Variants in GRXCR1 observed in about 807,000 individuals in gnomAD.
The protein encoded by GRXCR1 is glutaredoxin and cysteine rich domain containing 1.
A neutral mutation model predicts 27.3 loss-of-function variants in GRXCR1; 27 were observed. The observed-to-expected ratio is 0.99, with a 90% confidence interval of 0.73 to 1.37. GRXCR1 has a LOEUF of 1.37. Ranked by LOEUF, GRXCR1 falls within the 40% of genes most tolerant of loss-of-function variation. GRXCR1 has a pLI of 0.00. For synonymous variants in GRXCR1, 122 were observed against 131.1 expected, an observed-to-expected ratio of 0.93 and a Z score of 0.47; for missense variants, 379 against 354.4, an observed-to-expected ratio of 1.07 and a Z score of -0.56.
intron 2 of GRXCR1, among the ~76,000 whole-genome samples, chr4:42,986,934 T>C (rs1359247291): frequency 1.3e-5 from 2 of 151,414 alleles, no homozygotes; most frequent in East Asian, 3.9e-4. Context: ...CTGTGCGATG[T>C]TCTAGAGGGT....
chr4:42,896,368 C>T (rs115776695), intron 1 of GRXCR1, among the ~76,000 whole-genome samples: 3,038 of 152,116 alleles, frequency 0.02, 48 homozygotes, highest in Non-Finnish European at 0.033. Context: ...CTTATATAAT[C>T]CTGGGTATTT....
At chr4:42,949,961 G>A (rs1747843801) in intron 1 of GRXCR1, among the ~76,000 whole-genome samples, 1 of 152,178 alleles carries the variant, frequency 6.6e-6, no homozygotes, top group African/African-American at 2.4e-5. Context: ...GAATCAGGCT[G>A]AGACGAAGTA....
intron 2 of GRXCR1, among the ~76,000 whole-genome samples, chr4:42,985,836 C>T (rs1711698756): frequency 6.6e-6 from 1 of 151,930 alleles, no homozygotes; most frequent in African/African-American, 2.4e-5. Context: ...TTTTGCTATT[C>T]GTTGTCTAAT....
chr4:42,894,353 C>T (rs555894963), intron 1 of GRXCR1, among the ~76,000 whole-genome samples: 1 of 151,476 alleles, frequency 6.6e-6, no homozygotes, highest in Non-Finnish European at 1.5e-5. Flanking sequence ...GGGCTTTTGA[C>T]AATGATCTAA....
chr4:43,020,003 C>T (rs1205516144), intron 2 of GRXCR1, among the ~76,000 whole-genome samples: 1 of 152,034 alleles, frequency 6.6e-6, no homozygotes, highest in East Asian at 1.9e-4. Flanking sequence ...GGAATTTGCT[C>T]CAAGGATTCC....
intron 2 of GRXCR1, among the ~76,000 whole-genome samples, chr4:43,004,311 C>T (rs577314771): frequency 7.9e-5 from 12 of 152,218 alleles, no homozygotes; most frequent in Non-Finnish European, 1.6e-4. Flanking sequence ...AGGCAGAAGT[C>T]TGCTGGAGGG....
chr4:43,026,237 C>G (rs1713254888), intron 3 of GRXCR1, among the ~76,000 whole-genome samples: 1 of 152,158 alleles, frequency 6.6e-6, no homozygotes, highest in Admixed American at 6.5e-5. Context: ...CAGAGCAACA[C>G]TAATATAAGA....
intron 3 of GRXCR1, among the ~76,000 whole-genome samples, chr4:43,021,086 A>G (rs1290497853): frequency 1.3e-5 from 2 of 152,154 alleles, no homozygotes; most frequent in African/African-American, 4.8e-5. Context: ...TCCAGGAGAA[A>G]TAGGTCATAT....
At chr4:43,001,310 A>T (rs143992683) in intron 2 of GRXCR1, among the ~76,000 whole-genome samples, 2 of 152,058 alleles carry the variant, frequency 1.3e-5, no homozygotes, top group East Asian at 3.9e-4. Context: ...TTTTAAATTC[A>T]CCTTGGGCAA....
chr4:42,904,796 T>C (rs1746548698), intron 1 of GRXCR1, among the ~76,000 whole-genome samples: 1 of 152,126 alleles, frequency 6.6e-6, no homozygotes, highest in African/African-American at 2.4e-5. Context: ...AAAGCATGAT[T>C]TCAGTCCTCA....
intron 1 of GRXCR1, among the ~76,000 whole-genome samples, chr4:42,915,407 A>G (rs1007268834): frequency 6.6e-6 from 1 of 152,204 alleles, no homozygotes; most frequent in African/African-American, 2.4e-5. Flanking sequence ...CAGATTTGGA[A>G]TCAATTAGGG....
At chr4:43,000,285 C>T (rs943279388) in intron 2 of GRXCR1, among the ~76,000 whole-genome samples, 3 of 151,964 alleles carry the variant, frequency 2.0e-5, no homozygotes, top group African/African-American at 7.3e-5. Context: ...TGAGACCATC[C>T]TGGCCAACAT....
At chr4:42,971,601 A>C (rs185867970) in intron 2 of GRXCR1, among the ~76,000 whole-genome samples, 2 of 152,152 alleles carry the variant, frequency 1.3e-5, no homozygotes, top group African/African-American at 2.4e-5. Context: ...CGTTCAAAAA[A>C]CCAGATCTCA....
chr4:42,992,201 T>C (rs1577935758), intron 2 of GRXCR1, among the ~76,000 whole-genome samples: 3 of 152,216 alleles, frequency 2.0e-5, no homozygotes, highest in Non-Finnish European at 4.4e-5. Context: ...CTTGTGGCTG[T>C]TTCTTAAGAA....
chr4:42,990,170 GTTCTTTTTTTTTTTTTTTTT>G (rs1711918245), intron 2 of GRXCR1, among the ~76,000 whole-genome samples: 1 of 63,450 alleles, frequency 1.6e-5, no homozygotes. Context: ...TGAATTATTA[GTTCTTTTTTTTTTTTTTTTT>G]TTTTTTTTTT....
At chr4:42,989,080 G>A (rs1711872491) in intron 2 of GRXCR1, among the ~76,000 whole-genome samples, 1 of 152,172 alleles carries the variant, frequency 6.6e-6, no homozygotes, top group Non-Finnish European at 1.5e-5. Flanking sequence ...GACTGTGGTG[G>A]AAGAAGATAT....
At chr4:42,900,285 C>T (rs1370921239) in intron 1 of GRXCR1, among the ~76,000 whole-genome samples, 5 of 152,106 alleles carry the variant, frequency 3.3e-5, no homozygotes, top group East Asian at 3.9e-4. Context: ...ATTTTATTTA[C>T]GTGCACAAAT....
intron 1 of GRXCR1, among the ~76,000 whole-genome samples, chr4:42,899,959 C>G (rs747713529): frequency 1.1e-4 from 17 of 152,082 alleles, no homozygotes; most frequent in African/African-American, 3.6e-4. Context: ...TTAATGAATG[C>G]TTATGGGTGG....
chr4:42,953,289 A>G (rs1024683059), intron 1 of GRXCR1, among the ~76,000 whole-genome samples: 1 of 152,140 alleles, frequency 6.6e-6, no homozygotes, highest in Non-Finnish European at 1.5e-5. Flanking sequence ...GACTGCTTTC[A>G]TGAATAGAGT....
Sources: gnomAD v4.1 joint callset for allele counts (sites outside exome capture counted in the v4.1 genomes callset) on GRCh38, gnomAD v4.1.1 for gene constraint, MANE v1.5 for transcripts, NCBI Gene and HGNC (gene_info 2026-07-23, HGNC 2026-07-21) for gene names.